The following KDM5A variants were observed in gnomAD, a reference collection of about 807,000 sequenced individuals.
KDM5A encodes the protein lysine demethylase 5A.
In KDM5A, 42 loss-of-function variants were observed where a neutral mutation model predicts 193.5. The ratio of observed to expected loss-of-function variants is 0.22; its 90% CI spans 0.17 to 0.28. The LOEUF (loss-of-function observed/expected upper bound fraction) is 0.28, where lower values mean the gene tolerates loss of function less well. KDM5A is among the 10% of genes least tolerant of loss of function. KDM5A has a pLI of 1.00. For missense variants in KDM5A, 1,692 were observed against 2,055.1 expected, an observed-to-expected ratio of 0.82 and a Z score of 3.42; for synonymous variants, 796 against 718.1, an observed-to-expected ratio of 1.11 and a Z score of -1.73.
Position 307,856 on chromosome 12 carries a change from C to T in KDM5A, c.3528G>A (p.Gln1176=). 1 of 1,614,202 alleles carries T rather than the reference C, an allele frequency of 6.2e-7. No homozygotes were observed. Residue 1176 remains glutamine, a synonymous_variant, in exon 23 of 28, where the codon CAG becomes CAA. Coordinates refer to ENST00000399788, the MANE Select transcript of KDM5A (RefSeq NM_001042603.3). This position sits in a 1 kb window ranked among gnomAD's most constrained non-coding sequence, Gnocchi z 4.3. ...CRKTASGFML[Q]CELCKDWFHN... ...GGAACCAGTCTTTGCAGAGCTCACA[C>T]TGTAGCATAAACCCACTGGCTGTCT...
At chr12:326,167 T>C (rs1292890449) in intron 14 of KDM5A, among the ~76,000 whole-genome samples, 2 of 152,210 alleles carry the variant, frequency 1.3e-5, no homozygotes, top group Non-Finnish European at 2.9e-5. Context: ...GAAACTGAGA[T>C]GATAAAAATC....
At chr12:328,812 GA>G in intron 14 of KDM5A, 22 bp downstream of exon 14, 1 of 1,610,854 alleles carries the variant, frequency 6.2e-7, no homozygotes, top group Middle Eastern at 2.0e-4. Context: ...ATCAAACATA[GA>G]AAATGTGCTC....
In KDM5A at chr12:297,115, A is replaced by G; in HGVS notation, c.4160T>C (p.Val1387Ala). The G allele has an allele frequency of 6.2e-7, 1 of 1,614,072 alleles. No homozygotes were observed. The change falls in exon 25 of 28, where the codon GTG becomes GCG. Residue 1387 changes from valine (V) to alanine (A), a missense_variant. By Grantham distance (64) the Val-to-Ala change is moderately conservative. Transcript: ENST00000399788. ...TGAAGGTGCTGTCCACATGTGGGTCACCACCTCCTCGGATTTGATGGGAAT... is the reference window on the plus strand; with the variant it reads ...TGAAGGTGCTGTCCACATGTGGGTCGCCACCTCCTCGGATTTGATGGGAAT... ...EEIPIKSEEV[V>A]THMWTAPSFC...
intron 24 of KDM5A, among the ~76,000 whole-genome samples, chr12:303,664 T>A (rs529769898): frequency 6.7e-6 from 1 of 149,736 alleles, no homozygotes; most frequent in East Asian, 1.9e-4. Context: ...ACAAAAAAAA[T>A]TATGGTTAAG....
At chr12:338,978 G>A (rs1345921104) in intron 10 of KDM5A, among the ~76,000 whole-genome samples, 6 of 152,138 alleles carry the variant, frequency 3.9e-5, no homozygotes, top group East Asian at 1.9e-4. Flanking sequence ...TTGGGAGTTC[G>A]AGACCAGCCT....
intron 10 of KDM5A, among the ~76,000 whole-genome samples, chr12:342,877 A>G (rs1000804314): frequency 4.6e-5 from 7 of 151,634 alleles, no homozygotes; most frequent in African/African-American, 1.5e-4. Flanking sequence ...AAGACGGGTG[A>G]TTTCTGCATT....
At chr12:388,861 G>C in intron 1 of KDM5A, 66 bp downstream of exon 1, 3 of 1,537,810 alleles carry the variant, frequency 2.0e-6, no homozygotes, top group East Asian at 2.2e-5. Context: ...GAAAAGTAAA[G>C]CTAAACCCAG....
chr12:321,551 A>G (rs1232866740), intron 17 of KDM5A, among the ~76,000 whole-genome samples: 2 of 152,218 alleles, frequency 1.3e-5, no homozygotes, highest in South Asian at 4.1e-4. Context: ...CACTGACCCA[A>G]TGACAAGTTA....
chr12:303,228 T>C (rs751628297), intron 24 of KDM5A, among the ~76,000 whole-genome samples: 16 of 152,204 alleles, frequency 1.1e-4, no homozygotes, highest in Non-Finnish European at 1.9e-4. Context: ...TTTACTGCAG[T>C]GCTGTTCACA....
chr12:299,367 G>A (rs1370876460), intron 24 of KDM5A, among the ~76,000 whole-genome samples: 1 of 152,200 alleles, frequency 6.6e-6, no homozygotes, highest in Non-Finnish European at 1.5e-5. Flanking sequence ...AACTCTACAA[G>A]CCAAAAGAGA....
At chr12:379,882 CCG>C (rs1944554158) in intron 3 of KDM5A, among the ~76,000 whole-genome samples, 1 of 152,120 alleles carries the variant, frequency 6.6e-6, no homozygotes, top group African/African-American at 2.4e-5. Flanking sequence ...CTCTGGATGA[CCG>C]TTATAAGGAG....
intron 5 of KDM5A, among the ~76,000 whole-genome samples, chr12:357,493 C>A (rs1489097085): frequency 1.3e-5 from 2 of 151,550 alleles, no homozygotes; most frequent in African/African-American, 4.9e-5. Flanking sequence ...CACAAAAAGA[C>A]CCTGTCTTTA....
intron 3 of KDM5A, among the ~76,000 whole-genome samples, chr12:371,571 T>A (rs1018217065): frequency 6.6e-6 from 1 of 152,216 alleles, no homozygotes; most frequent in Non-Finnish European, 1.5e-5. Flanking sequence ...TTTACTCTGA[T>A]GGTAGTTTCT....
At chr12:377,429 A>G (rs914555144) in intron 3 of KDM5A, among the ~76,000 whole-genome samples, 3 of 152,182 alleles carry the variant, frequency 2.0e-5, no homozygotes, top group African/African-American at 7.2e-5. Context: ...ACACATACCA[A>G]TGCATATCAC....
At chr12:358,482 TAAC>T (rs1222849793) in intron 5 of KDM5A, among the ~76,000 whole-genome samples, 3 of 152,206 alleles carry the variant, frequency 2.0e-5, no homozygotes, top group Non-Finnish European at 2.9e-5. Context: ...GCAGAGTATA[TAAC>T]AATAAAGCTG....
intron 5 of KDM5A, among the ~76,000 whole-genome samples, 198 bp downstream of exon 5, chr12:362,765 T>A (rs1211402491): frequency 6.6e-6 from 1 of 152,174 alleles, no homozygotes; most frequent in South Asian, 2.1e-4. Flanking sequence ...ACCAGGTAAC[T>A]GTTCCACACA....
chr12:323,537 A>G lies in KDM5A; in HGVS notation c.2150+63T>C, dbSNP rs1235018797. 3.4e-6 allele frequency: 5 copies of G among 1,459,344 alleles called. No individual in the cohort carries two copies. In the African/African-American group the frequency reaches 7.0e-5, roughly 20 times the overall value. The allele number at this position is 1,459,344 out of a possible 1,614,324, so 90.4% of individuals were successfully genotyped here. On this transcript the variant is annotated intron_variant, in intron 15 of 27. Transcript: ENST00000399788. The stretch of plus-strand genomic sequence containing the variant: ...GGAGTAAAGTAAGGGAATAAGTAAA[A>G]ATAACATTAAAACTTGGTTTTAAAA...
intron 3 of KDM5A, among the ~76,000 whole-genome samples, chr12:376,608 C>G (rs538486911): frequency 1.2e-4 from 18 of 152,320 alleles, no homozygotes; most frequent in South Asian, 8.3e-4. Flanking sequence ...GTCCAACAAG[C>G]CCCAGTGAGA....
At chr12:320,125 C>T (rs2137406368) in intron 18 of KDM5A, among the ~76,000 whole-genome samples, 1 of 152,326 alleles carries the variant, frequency 6.6e-6, no homozygotes, top group East Asian at 1.9e-4. Flanking sequence ...GAGTAGTCAA[C>T]TATCAAAATG....
Sources: allele counts gnomAD v4.1 joint callset (sites outside exome capture counted in the v4.1 genomes callset), GRCh38; gene constraint gnomAD v4.1.1; non-coding constraint Gnocchi (gnomAD v3.1); transcripts MANE v1.5; gene names NCBI Gene and HGNC (gene_info 2026-07-23, HGNC 2026-07-21).